The following AZIN2 variants were observed in gnomAD, a reference collection of about 807,000 sequenced individuals.
AZIN2 encodes the protein antizyme inhibitor 2, also known as ODC antizyme inhibitor-2.
A neutral mutation model predicts 47.8 loss-of-function variants in AZIN2; 28 were observed. The ratio of observed to expected loss-of-function variants is 0.59; its 90% CI spans 0.43 to 0.80. The LOEUF (loss-of-function observed/expected upper bound fraction) is 0.80. Among genes scored for constraint, AZIN2 ranks in the 30% least tolerant of loss-of-function variants. AZIN2 has a pLI of 0.00. For missense variants in AZIN2, 535 were observed against 582.5 expected (o/e 0.92, Z 0.84); for synonymous variants, 221 against 239.4 (o/e 0.92, Z 0.71).
At chr1:33,082,061 C>A in intron 3 of AZIN2, 117 bp from the exon 4 acceptor site, 1 of 610,330 alleles carries the variant, frequency 1.6e-6, no homozygotes, top group South Asian at 1.8e-5. Flanking sequence ...GCCCAGTGAA[C>A]CCCGGGCTTG....
At chr1:33,103,458 C>A (rs1348839956) in intron 10 of AZIN2, among the ~76,000 whole-genome samples, 2 of 152,158 alleles carry the variant, frequency 1.3e-5, no homozygotes, top group Non-Finnish European at 2.9e-5. Context: ...GCTGTATTCT[C>A]TTTCTTATGT....
intron 10 of AZIN2, among the ~76,000 whole-genome samples, chr1:33,103,027 A>C (rs1643823613): frequency 6.6e-6 from 1 of 152,162 alleles, no homozygotes; most frequent in Non-Finnish European, 1.5e-5. Context: ...TTTTGGTTTC[A>C]GTGAATTCTT....
intron 5 of AZIN2, among the ~76,000 whole-genome samples, chr1:33,084,972 T>G (rs1176872068): frequency 6.6e-6 from 1 of 152,208 alleles, no homozygotes; most frequent in Non-Finnish European, 1.5e-5. Flanking sequence ...GTCACTGTGC[T>G]AGGCAGGGCT....
the AZIN2 span, among the ~76,000 whole-genome samples, chr1:33,154,660 C>T: frequency 6.6e-6 from 1 of 150,846 alleles, no homozygotes; most frequent in South Asian, 2.1e-4. Context: ...TAGCTGGGTG[C>T]AGTGGCGTGT....
the AZIN2 span, chr1:33,141,784 CA>C: frequency 5.9e-6 from 1 of 169,020 alleles, no homozygotes; most frequent in Admixed American, 6.3e-5. Flanking sequence ...CACCATAGCA[CA>C]CATTTACCTA....
chr1:33,096,889 T>C lies in AZIN2; in HGVS notation c.916+20T>C, dbSNP rs1213077685. ...GGGAGGGTAGGTGCCAGGTGGGCAG[T>C]GGAGCCCTGTTCTCCCCTGAAGCTT... On this transcript the variant is annotated intron_variant, in intron 9 of 11. Coordinates refer to ENST00000294517, the MANE Select transcript of AZIN2 (RefSeq NM_052998.4). The C allele has an allele frequency of 6.2e-7, 1 of 1,613,850 alleles. No individual in the cohort carries two copies. Among genetic ancestry groups the C allele is most frequent in the Non-Finnish European group, 8.5e-7 (1 of 1,179,936 alleles).
At chr1:33,149,035 C>G in the AZIN2 span, among the ~76,000 whole-genome samples, 1 of 152,232 alleles carries the variant, frequency 6.6e-6, no homozygotes, top group Non-Finnish European at 1.5e-5. Flanking sequence ...CTCCTCCTCT[C>G]TGCTTGTTGC....
chr1:33,130,491 C>T, the AZIN2 span, among the ~76,000 whole-genome samples: 1 of 152,178 alleles, frequency 6.6e-6, no homozygotes, highest in Admixed American at 6.5e-5. Context: ...GAACAGATGA[C>T]TAATCAACGG....
intron 5 of AZIN2, among the ~76,000 whole-genome samples, chr1:33,086,623 C>A (rs1182859503): frequency 6.6e-6 from 1 of 152,220 alleles, no homozygotes; most frequent in Non-Finnish European, 1.5e-5. Context: ...TAAGCTAGGG[C>A]TGGATGTGCA....
At chr1:33,094,815 T>A (rs1642968340) in intron 8 of AZIN2, 102 bp downstream of exon 8, 1 of 1,255,466 alleles carries the variant, frequency 8.0e-7, no homozygotes, top group African/African-American at 1.5e-5. Flanking sequence ...TCCTATGCAC[T>A]GCATGCAGTG....
the AZIN2 span, among the ~76,000 whole-genome samples, chr1:33,132,433 C>T: frequency 6.6e-6 from 1 of 152,220 alleles, no homozygotes; most frequent in Non-Finnish European, 1.5e-5. Context: ...TTTCCAAAAC[C>T]AAGAGGTGGG....
Position 33,082,330 on chromosome 1 carries a change from T to C in AZIN2, c.81T>C (p.Thr27=). 1.2e-6 allele frequency: 2 copies of C among 1,613,882 alleles called. No individual in the cohort carries two copies. The highest frequency in any genetic ancestry group is 1.7e-6 in the Non-Finnish European group (2 of 1,179,910). ...FSTRDLLKEL[T]LGASQATTDE... is the part of the protein sequence containing the mutation. ...CCCGAGACCTGCTGAAGGAACTCAC[T>C]CTGGGGGCCTCACAGGCCACCACGG... The change falls in exon 4 of 12, where the codon ACT becomes ACC. Residue 27 remains threonine (T), a synonymous_variant. Coordinates refer to ENST00000294517, the MANE Select transcript of AZIN2 (RefSeq NM_052998.4).
chr1:33,123,647 G>A (rs746165362), downstream of AZIN2, among the ~76,000 whole-genome samples: 24 of 152,202 alleles, frequency 1.6e-4, no homozygotes, highest in Non-Finnish European at 2.5e-4. Context: ...GGTGGATCAC[G>A]AGGTCAGGAG....
intron 11 of AZIN2, chr1:33,119,697 C>T (rs1570237627): frequency 3.0e-6 from 1 of 338,888 alleles, no homozygotes; most frequent in Non-Finnish European, 5.6e-6. Context: ...AGGTAGGTCA[C>T]TTCTCTCTCT....
downstream of AZIN2, among the ~76,000 whole-genome samples, chr1:33,124,897 C>T (rs940584689): frequency 5.3e-4 from 80 of 152,214 alleles, no homozygotes; most frequent in Non-Finnish European, 9.4e-4. The surrounding 1 kb of genome is among the most constrained non-coding windows in gnomAD (Gnocchi z 4.6). Context: ...ATATGTGCCA[C>T]ATTTTCTTAA....
At chr1:33,088,526 T>G (rs1642190062) in intron 5 of AZIN2, among the ~76,000 whole-genome samples, 1 of 152,102 alleles carries the variant, frequency 6.6e-6, no homozygotes, top group African/African-American at 2.4e-5. Flanking sequence ...GACCATGTCG[T>G]TTCCCTTCCT....
At chr1:33,147,024 A>T in the AZIN2 span, 1 of 731,728 alleles carries the variant, frequency 1.4e-6, no homozygotes, top group Non-Finnish European at 2.3e-6. The surrounding 1 kb of genome is among the most constrained non-coding windows in gnomAD (Gnocchi z 8.1). Flanking sequence ...AGGGAATGCA[A>T]CCTCCATTTT....
the AZIN2 span, among the ~76,000 whole-genome samples, chr1:33,131,549 G>T: frequency 6.6e-6 from 1 of 152,072 alleles, no homozygotes; most frequent in Admixed American, 6.5e-5. Context: ...GATTGTAAAC[G>T]ATTTCAATAA....
chr1:33,162,999 C>T, the AZIN2 span: 7 of 152,062 alleles, frequency 4.6e-5, no homozygotes, highest in South Asian at 2.1e-4. Context: ...CTACCTGGGA[C>T]GATTTTTTTT....
Sources: allele counts gnomAD v4.1 joint callset (sites outside exome capture counted in the v4.1 genomes callset), GRCh38; gene constraint gnomAD v4.1.1; non-coding constraint Gnocchi (gnomAD v3.1); transcripts MANE v1.5; gene names NCBI Gene and HGNC (gene_info 2026-07-23, HGNC 2026-07-21).